The following SLC40A1 variants were observed in gnomAD, a reference collection of about 807,000 sequenced individuals.
SLC40A1 encodes the protein ferroportin.
Under a neutral mutation model 53.5 loss-of-function variants are expected in SLC40A1, and 16 were observed. The ratio of observed to expected loss-of-function variants is 0.30; its 90% CI spans 0.20 to 0.45. SLC40A1 has a LOEUF of 0.45. Among genes scored for constraint, SLC40A1 ranks in the 20% least tolerant of loss-of-function variants. SLC40A1 has a pLI of 1.00. For missense variants in SLC40A1, 545 were observed against 695.4 expected (o/e 0.78, Z 2.43); for synonymous variants, 247 against 253.2 (o/e 0.98, Z 0.23).
intron 5 of SLC40A1, among the ~76,000 whole-genome samples, chr2:189,567,494 A>G (rs2030974713): frequency 6.6e-6 from 1 of 152,220 alleles, no homozygotes; most frequent in South Asian, 2.1e-4. Context: ...ATAAAAAATT[A>G]ATTAAAATAA....
chr2:189,574,891 T>G (rs181465097), intron 3 of SLC40A1, among the ~76,000 whole-genome samples: 32 of 152,260 alleles, frequency 2.1e-4, no homozygotes, highest in African/African-American at 7.5e-4. Flanking sequence ...CTCAGAGAAG[T>G]GCTACAAGGT....
In SLC40A1 at chr2:189,561,958, G is replaced by C. The variant is rs754928685; in HGVS notation, c.1636C>G (p.Leu546Val). ...IMYFRFAQNTLGNKLFACGPD... is the reference protein window; with the variant it reads ...IMYFRFAQNTVGNKLFACGPD... ...CCGCAAGCAAAGAGCTTGTTTCCCA[G>C]AGTATTTTGGGCAAATCGGAAATAC... The change falls in exon 8 of 8, where the codon CTG (leucine) becomes GTG (valine). Residue 546 changes from leucine (L) to valine (V), a missense_variant. By Grantham distance (32) the Leu-to-Val change is conservative. Around this residue, in one of 4 missense-constraint regions of SLC40A1, gnomAD observed 234 missense variants for 299.0 expected, o/e 0.78. Transcript: ENST00000261024. 1 of 1,613,972 alleles carries C rather than the reference G, an allele frequency of 6.2e-7. No homozygotes were observed. Among genetic ancestry groups the C allele is most frequent in the East Asian group, 2.2e-5 (1 of 44,888 alleles).
intron 6 of SLC40A1, 30 bp downstream of exon 6, chr2:189,565,324 C>A (rs1221548872): frequency 1.2e-6 from 2 of 1,613,624 alleles, no homozygotes; most frequent in South Asian, 1.1e-5. Flanking sequence ...AACATGAGAA[C>A]AAAAGGAGAG....
At chr2:189,575,467 C>G in intron 2 of SLC40A1, 147 bp from the exon 3 acceptor site, 2 of 746,354 alleles carry the variant, frequency 2.7e-6, no homozygotes. Flanking sequence ...TTGAATACTG[C>G]TCAGATGTTA....
Position 189,573,733 on chromosome 2 carries a change from G to A in SLC40A1, c.272-772C>T, listed in dbSNP as rs181590857. Among the ~76,000 whole-genome samples, 241 of 152,212 alleles carry A rather than the reference G, an allele frequency of 1.6e-3. 1 individual carries two copies. Among genetic ancestry groups the A allele is most frequent in the Non-Finnish European group, 2.7e-3 (181 of 68,012 alleles). On this transcript the variant is annotated intron_variant, in intron 3 of 7. Coordinates refer to ENST00000261024, the MANE Select transcript of SLC40A1 (RefSeq NM_014585.6). Reference sequence around the variant, plus strand: ...AATGATGCTCAAATAAAACACTTACGAAAGCAGTTTGGAAAACATGAAGTT... The same window carrying A: ...AATGATGCTCAAATAAAACACTTACAAAAGCAGTTTGGAAAACATGAAGTT...
intron 4 of SLC40A1, chr2:189,572,623 T>C: frequency 1.7e-6 from 1 of 587,748 alleles, no homozygotes; most frequent in Non-Finnish European, 3.0e-6. Context: ...GAAATGCCAT[T>C]AGAAACCAAT....
intron 2 of SLC40A1, among the ~76,000 whole-genome samples, chr2:189,577,615 C>CTT (rs11419650): frequency 0.015 from 1,978 of 133,478 alleles, 32 homozygotes; most frequent in Non-Finnish European, 0.019. Context: ...ATAGTATCCA[C>CTT]TTTTTTTTTT....
Position 189,575,163 on chromosome 2 carries a change from T to G in SLC40A1, c.269A>C (p.Lys90Thr). The G allele has an allele frequency of 9.3e-6, 15 of 1,614,034 alleles. No homozygotes were observed. The highest frequency in any genetic ancestry group is 1.3e-5 in the Non-Finnish European group (15 of 1,179,918). The change falls in exon 3 of 8, where the codon AAA becomes ACA. Residue 90 changes from lysine to threonine, a missense_variant and splice_region_variant. Coordinates refer to ENST00000261024, the MANE Select transcript of SLC40A1 (RefSeq NM_014585.6). ...GDWVDKNARL[K>T]VAQTSLVVQN... is the part of the protein sequence containing the mutation. ...CTTAATTATATAACAACACTCACCT[T>G]TAAGTCTAGCATTCTTGTCCACCCA...
intron 5 of SLC40A1, 128 bp from the exon 6 acceptor site, chr2:189,565,727 T>TTA: frequency 1.5e-6 from 2 of 1,326,980 alleles, no homozygotes; most frequent in Non-Finnish European, 2.1e-6. Flanking sequence ...AAAGTACATT[T>TTA]GTAAGAAAGA....
At chr2:189,571,563 T>C (rs2031125444) in intron 5 of SLC40A1, 152 bp downstream of exon 5, 1 of 1,291,916 alleles carries the variant, frequency 7.7e-7, no homozygotes, top group South Asian at 1.4e-5. Context: ...GCACTAAAAC[T>C]GACAATAAGG....
At position 189,563,904 on chromosome 2, in the gene SLC40A1, G is replaced by A. The variant is rs1418432338; in HGVS notation, c.1082C>T (p.Thr361Ile). The change falls in exon 7 of 8, where the codon ACT (threonine) becomes ATT (isoleucine). Residue 361 changes from threonine to isoleucine, a missense_variant. Thr to Ile is a moderately conservative substitution (Grantham distance 89, BLOSUM62 -1). This residue lies in a region of SLC40A1 where 234 missense variants were observed against 299.0 expected (regional missense o/e 0.78). Transcript: ENST00000261024. ...CAAACCACATTTTCGACGTAGCCAAGTAAAAGCTACAGTTCCCATTATTCC... is the reference window on the plus strand; with the variant it reads ...CAAACCACATTTTCGACGTAGCCAAATAAAAGCTACAGTTCCCATTATTCC... ...ITGIMGTVAF[T>I]WLRRKCGLVR... is the part of the protein sequence containing the mutation. 1.9e-6 allele frequency: 3 copies of A among 1,614,062 alleles called. No homozygotes were observed. Among genetic ancestry groups the A allele is most frequent in the Non-Finnish European group, 2.5e-6 (3 of 1,180,030 alleles).
chr2:189,578,407 A>G, intron 2 of SLC40A1: 2 of 992,036 alleles, frequency 2.0e-6, no homozygotes, highest in East Asian at 2.3e-4. Flanking sequence ...TTTAATGAAC[A>G]TGACAAAATA....
At chr2:189,577,041 T>A (rs2031308350) in intron 2 of SLC40A1, among the ~76,000 whole-genome samples, 1 of 152,158 alleles carries the variant, frequency 6.6e-6, no homozygotes, top group African/African-American at 2.4e-5. Flanking sequence ...AGCCCAATAT[T>A]TGGGTAAAGT....
Position 189,575,316 on chromosome 2 carries a change from T to A in SLC40A1, c.116A>T (p.Asp39Val). ...YLGHSLSTWG[D>V]RMWHFAVSVF... Reference sequence around the variant, plus strand: ...AGACACCGCAAAGTGCCACATCCGATCTCCCTTAAATGAAAAGAGAAAATG... The same window carrying A: ...AGACACCGCAAAGTGCCACATCCGAACTCCCTTAAATGAAAAGAGAAAATG... The change falls in exon 3 of 8, where the codon GAT becomes GTT. Residue 39 changes from aspartate to valine, a missense_variant. Physicochemically the swap from Asp to Val is radical, Grantham distance 152. This residue lies in a region of SLC40A1 where 197 missense variants were observed against 278.8 expected (regional missense o/e 0.71). Transcript: ENST00000261024. 6.2e-7 allele frequency: 1 copy of A among 1,614,038 alleles called. No individual in the cohort carries two copies. The highest frequency in any genetic ancestry group is 8.5e-7 in the Non-Finnish European group (1 of 1,179,944).
At chr2:189,566,681 C>T (rs73980219) in intron 5 of SLC40A1, among the ~76,000 whole-genome samples, 39 of 152,212 alleles carry the variant, frequency 2.6e-4, no homozygotes, top group African/African-American at 9.4e-4. Flanking sequence ...GCTTCAGGTA[C>T]AGGTAGGAAG....
In SLC40A1 at chr2:189,580,598, A is replaced by C. The variant is rs1263805749; in HGVS notation, c.-138T>G. The C allele has an allele frequency of 3.2e-6, 5 of 1,569,168 alleles. No individual in the cohort carries two copies. In the South Asian group the frequency reaches 5.7e-5, roughly 18 times the overall value. ...AACAGCCTTGGGCAAAAAGACTACA[A>C]CGACGACTTTGGCAAAGAACAAAAG... On this transcript the variant is annotated 5_prime_UTR_variant, in exon 1 of 8. Coordinates refer to ENST00000261024, the MANE Select transcript of SLC40A1 (RefSeq NM_014585.6).
chr2:189,579,594 T>C (rs1198723126), intron 2 of SLC40A1, among the ~76,000 whole-genome samples: 1 of 152,232 alleles, frequency 6.6e-6, no homozygotes, highest in African/African-American at 2.4e-5. Flanking sequence ...GTTGTCTATC[T>C]ACATAAACTA....
intron 2 of SLC40A1, among the ~76,000 whole-genome samples, chr2:189,577,486 A>G (rs1486268403): frequency 6.6e-6 from 1 of 152,142 alleles, no homozygotes. Context: ...AGTTTGTAAG[A>G]TCATGTTATC....
intron 5 of SLC40A1, among the ~76,000 whole-genome samples, 181 bp downstream of exon 5, chr2:189,571,534 G>A (rs1330755881): frequency 4.6e-5 from 7 of 151,630 alleles, no homozygotes; most frequent in Non-Finnish European, 7.4e-5. Context: ...AGTTAACTTC[G>A]TAACAGTGAG....
Sources: allele counts gnomAD v4.1 joint callset (sites outside exome capture counted in the v4.1 genomes callset), GRCh38; gene constraint gnomAD v4.1.1; regional missense constraint gnomAD v4.1.1; transcripts MANE v1.5; gene names NCBI Gene and HGNC (gene_info 2026-07-23, HGNC 2026-07-21).